The following BORCS7 variants were observed in gnomAD, a reference collection of about 807,000 sequenced individuals.
BORCS7 encodes the protein BLOC-1 related complex subunit 7, also known as BLOC-1-related complex subunit 7.
In BORCS7, 20 loss-of-function variants were observed where a neutral mutation model predicts 17.5. The observed-to-expected ratio is 1.14, with a 90% CI of 0.80 to 1.66. The LOEUF is 1.66. Among genes scored for constraint, BORCS7 ranks in the 40% most tolerant of loss-of-function variants. The pLI, the probability that BORCS7 is intolerant of heterozygous loss-of-function variation, is 0.00. For synonymous variants in BORCS7, 57 were observed against 49.8 expected, an observed-to-expected ratio of 1.14 and a Z score of -0.61; for missense variants, 122 against 129.7, an observed-to-expected ratio of 0.94 and a Z score of 0.29.
chr10:102,854,303 C>T lies in BORCS7; in HGVS notation c.17C>T (p.Thr6Met), dbSNP rs566816775. The T allele has an allele frequency of 1.9e-6, 3 of 1,605,432 alleles. No homozygotes were observed. Among genetic ancestry groups the T allele is most frequent in the Admixed American group, 3.4e-5 (2 of 58,736 alleles). The change falls in exon 1 of 5, where the codon ACG (threonine) becomes ATG (methionine). Residue 6 changes from threonine to methionine, a missense_variant. By Grantham distance (81) the Thr-to-Met change is moderately conservative (BLOSUM62 -1). Coordinates refer to ENST00000339834, the MANE Select transcript of BORCS7 (RefSeq NM_001136200.2). The part of the protein sequence containing the change: MMATG[T>M]PESQARFGQS... ...CTAACTGAAATGATGGCGACTGGAA[C>T]GCCAGAGTCTCAAGCGCGGTTCGGT...
rs1844385931 is a variant in BORCS7, at chr10:102,854,267, G to A, written c.-20G>A. Reference sequence around the variant, plus strand: ...CCCGGCGACTCACCATCGTCAGTGCGCAACCGTTCGCTAACTGAAATGATG... The same window carrying A: ...CCCGGCGACTCACCATCGTCAGTGCACAACCGTTCGCTAACTGAAATGATG... On this transcript the variant is annotated 5_prime_UTR_variant, in exon 1 of 5. Coordinates refer to ENST00000339834, the MANE Select transcript of BORCS7 (RefSeq NM_001136200.2). 6.2e-7 allele frequency: 1 copy of A among 1,602,958 alleles called. No individual in the cohort carries two copies. The highest frequency in any genetic ancestry group is 8.5e-7 in the Non-Finnish European group (1 of 1,174,866).
At chr10:102,854,486 C>T in intron 1 of BORCS7, 59 bp downstream of exon 1, 12 of 1,499,602 alleles carry the variant, frequency 8.0e-6, no homozygotes, top group Non-Finnish European at 9.9e-6. Context: ...TCTTTCGTTG[C>T]TGTGGGAAGG....
rs1266058013 is a variant in BORCS7, at chr10:102,863,571, A to G, written c.*647A>G. ...CTATATTGTCTAAATTTCAGTACTT[A>G]AGCAAATACTGAGTAGTGTTTTAAA... On this transcript the variant is annotated 3_prime_UTR_variant, in exon 5 of 5. Transcript: ENST00000339834. 2 of 152,200 alleles carry G rather than the reference A, an allele frequency of 1.3e-5. No individual in the cohort carries two copies. The highest frequency in any genetic ancestry group is 2.9e-5 in the Non-Finnish European group (2 of 68,036). The allele number at this position is 152,200 out of a possible 1,614,324, so 9.4% of individuals were successfully genotyped here.
At chr10:102,861,357 A>G (rs1590213399) in intron 3 of BORCS7, among the ~76,000 whole-genome samples, 2 of 151,328 alleles carry the variant, frequency 1.3e-5, no homozygotes, top group South Asian at 2.1e-4. Flanking sequence ...TGGAGTTTGC[A>G]GTGAGTGGAG....
chr10:102,858,207 C>CGAGCGAGA (rs1844461397), intron 1 of BORCS7, among the ~76,000 whole-genome samples: 20 of 121,262 alleles, frequency 1.6e-4, no homozygotes, highest in African/African-American at 5.4e-4. Flanking sequence ...AGAGAGCGAG[C>CGAGCGAGA]GAGAGAGAGA....
At chr10:102,854,986 T>TA (rs1844404110) in intron 1 of BORCS7, among the ~76,000 whole-genome samples, 1 of 147,350 alleles carries the variant, frequency 6.8e-6, no homozygotes, top group Non-Finnish European at 1.5e-5. Context: ...GTAATATATA[T>TA]TATATATATT....
At chr10:102,861,806 T>C (rs1844526021) in intron 3 of BORCS7, among the ~76,000 whole-genome samples, 1 of 152,218 alleles carries the variant, frequency 6.6e-6, no homozygotes, top group Non-Finnish European at 1.5e-5. Context: ...TTTAAATAGC[T>C]AATGTTTGTC....
intron 3 of BORCS7, chr10:102,860,772 T>C (rs947754555): frequency 1.7e-6 from 1 of 603,090 alleles, no homozygotes; most frequent in African/African-American, 1.9e-5. Context: ...CCATGTTAAA[T>C]TGAGGGCTCC....
chr10:102,860,604 G>T, intron 3 of BORCS7, 63 bp downstream of exon 3: 2 of 1,561,818 alleles, frequency 1.3e-6, no homozygotes, highest in Non-Finnish European at 1.8e-6. Flanking sequence ...TGCTTTCATG[G>T]ACTTTGTGCT....
At position 102,862,167 on chromosome 10, in the gene BORCS7, G is replaced by A; in HGVS notation, c.256G>A (p.Ala86Thr). 6.2e-7 allele frequency: 1 copy of A among 1,609,438 alleles called. No homozygotes were observed. The highest frequency in any genetic ancestry group is 8.5e-7 in the Non-Finnish European group (1 of 1,175,808). Reference protein sequence around the residue: ...ITTHLQYQQEAIQKNVEQSSD... With the variant: ...ITTHLQYQQETIQKNVEQSSD... ...TTTCCTTTTCTGATTTAGGCAAGAAGCTATTCAGAAGAAGTAAGTAACCCC... is the reference window on the plus strand; with the variant it reads ...TTTCCTTTTCTGATTTAGGCAAGAAACTATTCAGAAGAAGTAAGTAACCCC... Residue 86 changes from alanine (A) to threonine (T), a missense_variant, in exon 4 of 5, where the codon GCT (alanine) becomes ACT (threonine). Coordinates refer to ENST00000339834, the MANE Select transcript of BORCS7 (RefSeq NM_001136200.2).
intron 1 of BORCS7, among the ~76,000 whole-genome samples, chr10:102,856,232 G>A (rs772890133): frequency 8.5e-5 from 13 of 152,058 alleles, no homozygotes; most frequent in Non-Finnish European, 1.9e-4. Context: ...TGCTTAGTGA[G>A]GGTCCATTGT....
chr10:102,858,680 A>G (rs1844467442), intron 1 of BORCS7, among the ~76,000 whole-genome samples: 1 of 152,232 alleles, frequency 6.6e-6, no homozygotes, highest in Admixed American at 6.6e-5. Flanking sequence ...ATAAAAAAAT[A>G]GTTTTGCATA....
At chr10:102,860,437 A>G (rs1236325172) in intron 2 of BORCS7, 43 bp downstream of exon 2, 6 of 1,610,138 alleles carry the variant, frequency 3.7e-6, no homozygotes, top group Non-Finnish European at 5.1e-6. Context: ...GTTTATGTAT[A>G]TGGTTTGTGT....
rs941880319 is a variant in BORCS7 at position 102,862,191 on chromosome 10, C to T, written c.269+11C>T. 1 of 1,608,020 alleles carries T rather than the reference C, an allele frequency of 6.2e-7. No homozygotes were observed. Among genetic ancestry groups the T allele is most frequent in the African/African-American group, 1.3e-5 (1 of 74,834 alleles). On this transcript the variant is annotated intron_variant, in intron 4 of 4. Coordinates refer to ENST00000339834, the MANE Select transcript of BORCS7 (RefSeq NM_001136200.2). ...AGCTATTCAGAAGAAGTAAGTAACCCCAAAGGTAGAGGAGTAGGGAACCAA... is the reference window on the plus strand; with the variant it reads ...AGCTATTCAGAAGAAGTAAGTAACCTCAAAGGTAGAGGAGTAGGGAACCAA...
chr10:102,860,252 T>C lies in BORCS7; in HGVS notation c.142-80T>C, dbSNP rs1256196112. Reference sequence around the variant, plus strand: ...TGGAGGAGTGGGAGAGGAGAGAGGGTAGTAGTGTAACAGCTGCAGAGAGAA... The same window carrying C: ...TGGAGGAGTGGGAGAGGAGAGAGGGCAGTAGTGTAACAGCTGCAGAGAGAA... On this transcript the variant is annotated intron_variant, in intron 1 of 4. Coordinates refer to ENST00000339834, the MANE Select transcript of BORCS7 (RefSeq NM_001136200.2). 21 of 1,159,182 alleles carry C rather than the reference T, an allele frequency of 1.8e-5. 1 individual carries two copies. In the Middle Eastern group the frequency reaches 1.4e-3, roughly 79 times the overall value. 71.8% of individuals were successfully genotyped at this position (1,159,182 alleles called of 1,614,324 possible).
At chr10:102,855,651 G>T (rs1844414671) in intron 1 of BORCS7, among the ~76,000 whole-genome samples, 1 of 152,192 alleles carries the variant, frequency 6.6e-6, no homozygotes, top group African/African-American at 2.4e-5. Flanking sequence ...TTAGTGAAGA[G>T]ACAGACGATA....
At chr10:102,860,581 A>G in intron 3 of BORCS7, 40 bp downstream of exon 3, 2 of 1,590,484 alleles carry the variant, frequency 1.3e-6, no homozygotes, top group South Asian at 1.1e-5. Flanking sequence ...CTGCAGAATC[A>G]TTATCCCTGG....
chr10:102,862,145 C>A lies in BORCS7; in HGVS notation c.249-15C>A. 1 of 1,602,768 alleles carries A rather than the reference C, an allele frequency of 6.2e-7. No homozygotes were observed. Among genetic ancestry groups the A allele is most frequent in the Non-Finnish European group, 8.5e-7 (1 of 1,169,842 alleles). The stretch of plus-strand genomic sequence containing the variant: ...TTCACTTATGTGTATTTTCCTCTTT[C>A]CTTTTCTGATTTAGGCAAGAAGCTA... On this transcript the variant is annotated splice_polypyrimidine_tract_variant and intron_variant, in intron 3 of 4. Transcript: ENST00000339834.
Position 102,862,889 on chromosome 10 carries a change from G to C in BORCS7, c.286G>C (p.Asp96His). 2 of 1,609,748 alleles carry C rather than the reference G, an allele frequency of 1.2e-6. No homozygotes were observed. Among genetic ancestry groups the C allele is most frequent in the Non-Finnish European group, 1.7e-6 (2 of 1,176,012 alleles). Residue 96 changes from aspartate to histidine, a missense_variant, in exon 5 of 5, where the codon GAT becomes CAT. Coordinates refer to ENST00000339834, the MANE Select transcript of BORCS7 (RefSeq NM_001136200.2). ...AIQKNVEQSS[D>H]LQDQLNHLLK ...AATTCCTAGTGTTGAACAGTCATCGGATCTACAGGACCAGTTGAATCATCT... is the reference window on the plus strand; with the variant it reads ...AATTCCTAGTGTTGAACAGTCATCGCATCTACAGGACCAGTTGAATCATCT...
Sources: allele counts gnomAD v4.1 joint callset (sites outside exome capture counted in the v4.1 genomes callset), GRCh38; gene constraint gnomAD v4.1.1; transcripts MANE v1.5; gene names NCBI Gene and HGNC (gene_info 2026-07-23, HGNC 2026-07-21).